LMO7: variants seen among roughly 807,000 people sequenced by gnomAD.
LMO7 encodes the protein LIM domain 7, also known as LIM domain only protein 7.
LMO7 carries 120 observed loss-of-function variants against 206.5 expected under a neutral mutation model. The ratio of observed to expected loss-of-function variants is 0.58; its 90% CI spans 0.50 to 0.68. The LOEUF is 0.68. LMO7 is among the 30% of genes least tolerant of loss of function. LMO7 has a pLI of 0.00. For missense variants in LMO7, 1,959 were observed against 1,957.9 expected, an observed-to-expected ratio of 1.00 and a Z score of -0.01; for synonymous variants, 706 against 681.5, an observed-to-expected ratio of 1.04 and a Z score of -0.56.
At chr13:75,696,891 C>T (rs2041943303) in intron 1 of LMO7, among the ~76,000 whole-genome samples, 1 of 152,148 alleles carries the variant, frequency 6.6e-6, no homozygotes, top group Non-Finnish European at 1.5e-5. Flanking sequence ...AGTGGGTTTT[C>T]TCCAGAGCAG....
intron 11 of LMO7, among the ~76,000 whole-genome samples, chr13:75,815,934 T>C (rs2138157790): frequency 6.6e-6 from 1 of 152,272 alleles, no homozygotes; most frequent in East Asian, 1.9e-4. Context: ...CAAGATTGAG[T>C]TTGGTCACAT....
intron 1 of LMO7, among the ~76,000 whole-genome samples, chr13:75,679,007 C>G (rs1324106418): frequency 6.6e-6 from 1 of 152,148 alleles, no homozygotes; most frequent in Non-Finnish European, 1.5e-5. Context: ...AGTGATAAAG[C>G]CTTCTTTTCC....
At position 75,856,654 on chromosome 13, in the gene LMO7, C is replaced by G. The variant is rs750908823; in HGVS notation, c.4873+46C>G. ...GAAAATTTCTTGCCTTTTAAGGAGG[C>G]CACGGGTTCCCATGCATTTCCCTGA... On this transcript the variant is annotated intron_variant, in intron 30 of 30. Transcript: ENST00000377534. The G allele has an allele frequency of 1.1e-5, 12 of 1,099,146 alleles. 1 individual carries two copies. The South Asian group carries it at 1.5e-4, about 14-fold the overall frequency. The allele number at this position is 1,099,146 out of a possible 1,614,324, so 68.1% of individuals were successfully genotyped here. A position where few individuals can be genotyped will look rare whatever the true frequency, so the allele number is the denominator to read the frequency against.
intron 4 of LMO7, among the ~76,000 whole-genome samples, chr13:75,794,985 T>A (rs2053781890): frequency 6.6e-6 from 1 of 152,208 alleles, no homozygotes; most frequent in South Asian, 2.1e-4. Flanking sequence ...TTATTTTTCA[T>A]TGTGTTTTTA....
At chr13:75,635,258 C>A (rs942455235), upstream of LMO7, among the ~76,000 whole-genome samples, 3 of 152,070 alleles carry the variant, frequency 2.0e-5, no homozygotes, top group Non-Finnish European at 4.4e-5. Flanking sequence ...AGAGTAAGAA[C>A]CGGTCTTTGT....
intron 4 of LMO7, among the ~76,000 whole-genome samples, chr13:75,787,484 T>C (rs1418093853): frequency 2.0e-5 from 3 of 152,230 alleles, no homozygotes; most frequent in Admixed American, 1.3e-4. Context: ...AGCTGTGAAA[T>C]TTAATAACAA....
chr13:75,819,640 C>G, intron 13 of LMO7, 105 bp downstream of exon 13: 1 of 1,124,018 alleles, frequency 8.9e-7, no homozygotes, highest in Non-Finnish European at 1.2e-6. Context: ...CACCAATATT[C>G]AACTTTAGTC....
intron 1 of LMO7, among the ~76,000 whole-genome samples, chr13:75,655,366 G>A (rs1275060457): frequency 6.6e-6 from 1 of 152,066 alleles, no homozygotes; most frequent in Non-Finnish European, 1.5e-5. Flanking sequence ...TTATTTGGAA[G>A]CTTGTTGTAT....
chr13:75,835,184 A>G (rs1379960611), intron 17 of LMO7, 49 bp from the exon 18 acceptor site: 9 of 1,604,616 alleles, frequency 5.6e-6, no homozygotes, highest in African/African-American at 1.3e-5. Context: ...CCTGCCATTT[A>G]TACGGCATAA....
At chr13:75,777,795 G>A (rs560124595) in intron 4 of LMO7, among the ~76,000 whole-genome samples, 9 of 151,852 alleles carry the variant, frequency 5.9e-5, no homozygotes, top group South Asian at 2.1e-4. Flanking sequence ...ACAGGCGCCT[G>A]CCACGACGCC....
chr13:75,760,625 G>A (rs1219332935), intron 3 of LMO7: 3 of 1,447,948 alleles, frequency 2.1e-6, no homozygotes, highest in African/African-American at 1.4e-5. Flanking sequence ...ACATCAAAGT[G>A]TAGATTACTG....
At chr13:75,796,587 G>T (rs768468250) in intron 5 of LMO7, 49 bp from the exon 6 acceptor site, 9 of 1,087,518 alleles carry the variant, frequency 8.3e-6, no homozygotes, top group Non-Finnish European at 1.3e-5. Context: ...GCTTGCAATT[G>T]GTTGCTAATC....
At chr13:75,823,332 A>C (rs2057791827) in intron 14 of LMO7, among the ~76,000 whole-genome samples, 1 of 152,218 alleles carries the variant, frequency 6.6e-6, no homozygotes, top group African/African-American at 2.4e-5. Flanking sequence ...GTAAACAAGC[A>C]AAGCAAATTT....
At chr13:75,638,659 T>G (rs9573597) in intron 1 of LMO7, among the ~76,000 whole-genome samples, 46,725 of 152,044 alleles carry the variant, frequency 0.31, 7,372 homozygotes, top group Middle Eastern at 0.35. Flanking sequence ...ACTTTTAGTA[T>G]ACTCTGGGCA....
Position 75,809,155 on chromosome 13 carries a change from C to T in LMO7, c.1918C>T (p.Leu640Phe). The change falls in exon 11 of 31, where the codon CTC becomes TTC. Residue 640 changes from leucine to phenylalanine, a missense_variant and splice_region_variant. Transcript: ENST00000377534. ...RHKKRLMVER[L>F]FQKIYGENGS... is the part of the protein sequence containing the mutation. ...ATTTTTGGTTTTCTGGTTTCTTAGA[C>T]TCTTTCAAAAGATTTATGGTGAGAA... The T allele has an allele frequency of 1.2e-6, 2 of 1,611,552 alleles. No homozygotes were observed. The highest frequency in any genetic ancestry group is 1.1e-5 in the South Asian group (1 of 90,936).
intron 4 of LMO7, among the ~76,000 whole-genome samples, chr13:75,793,494 T>G (rs1449563365): frequency 2.0e-5 from 3 of 152,178 alleles, no homozygotes; most frequent in Non-Finnish European, 4.4e-5. Flanking sequence ...CAGGCTGGTC[T>G]TGAACTCCTG....
At chr13:75,665,041 T>C (rs2139311054) in intron 1 of LMO7, among the ~76,000 whole-genome samples, 1 of 152,286 alleles carries the variant, frequency 6.6e-6, no homozygotes, top group African/African-American at 2.4e-5. Context: ...AGAATAGCAA[T>C]ATTGAGGGTC....
intron 3 of LMO7, among the ~76,000 whole-genome samples, chr13:75,751,897 T>A (rs907251566): frequency 2.0e-5 from 3 of 152,096 alleles, no homozygotes; most frequent in African/African-American, 7.2e-5. Flanking sequence ...ATTTGGGAGG[T>A]TGTCATGCTT....
Position 75,842,867 on chromosome 13 carries a change from G to A in LMO7, c.4048G>A (p.Asp1350Asn), listed in dbSNP as rs867817950. ...YQYRRPVDSY[D>N]IPKTEEASSG... ...ATCTTTTAGGCCTGTTGATTCCTAT[G>A]ATATACCAAAGACAGAAGAAGCATC... Residue 1350 changes from aspartate (D) to asparagine (N), a missense_variant, in exon 25 of 31, where the codon GAT becomes AAT. Coordinates refer to ENST00000377534, the MANE Select transcript of LMO7 (RefSeq NM_001306080.2). The A allele has an allele frequency of 1.2e-6, 2 of 1,606,372 alleles. No homozygotes were observed. The highest frequency in any genetic ancestry group is 2.7e-5 in the African/African-American group (2 of 74,790).
Sources: gnomAD v4.1 joint callset for allele counts (sites outside exome capture counted in the v4.1 genomes callset) on GRCh38, gnomAD v4.1.1 for gene constraint, MANE v1.5 for transcripts, NCBI Gene and HGNC (gene_info 2026-07-23, HGNC 2026-07-21) for gene names.